Variants in DPH6 observed in about 807,000 individuals in gnomAD.
DPH6 encodes the protein diphthine--ammonia ligase.
DPH6 carries 33 observed loss-of-function variants against 38.2 expected under a neutral mutation model. That is an observed-to-expected ratio of 0.86 (90% CI 0.65 to 1.15). The LOEUF is 1.15. DPH6 is among the 50% of genes most tolerant of loss of function. The pLI is 0.00. For synonymous variants in DPH6, 108 were observed against 103.0 expected, an observed-to-expected ratio of 1.05 and a Z score of -0.30; for missense variants, 325 against 320.0, an observed-to-expected ratio of 1.02 and a Z score of -0.12.
At chr15:35,285,872 G>GTTTTTTTGTTTTTTTTTTTTTTTTTT (rs1555391171) in intron 3 of DPH6, among the ~76,000 whole-genome samples, 1 of 52,794 alleles carries the variant, frequency 1.9e-5, no homozygotes, top group Non-Finnish European at 3.3e-5. Context: ...TTATCTTTGA[G>GTTTTTTTGTTTTTTTTTTTTTTTTTT]TTTTTTTTTT....
Position 35,268,980 on chromosome 15 carries a change from A to G in DPH6, n.201-48398T>C, listed in dbSNP as rs36122485. Among the ~76,000 whole-genome samples the G allele has an allele frequency of 1.7e-3, 262 of 152,274 alleles. 1 individual carries two copies. The highest frequency in any genetic ancestry group is 5.0e-3 in the East Asian group (26 of 5,182). ...GATGAATGTTTCCAACATGAAAATC[A>G]CCTTTTTAATTATGTAAGTCTCTGA... On this transcript the variant is annotated intron_variant and non_coding_transcript_variant, in intron 3 of 3. Coordinates refer to the DPH6 transcript ENST00000560386.
chr15:35,497,468 TACA>T (rs776399075), intron 3 of DPH6, among the ~76,000 whole-genome samples: 6 of 152,198 alleles, frequency 3.9e-5, no homozygotes, highest in Admixed American at 6.5e-5. Flanking sequence ...TCCTTTTTCA[TACA>T]ACAAGTTTCC....
intron 3 of DPH6, among the ~76,000 whole-genome samples, chr15:35,531,861 C>T (rs1430992077): frequency 6.6e-6 from 1 of 152,052 alleles, no homozygotes; most frequent in African/African-American, 2.4e-5. Flanking sequence ...AGGAACTCTG[C>T]TAGGACAGAT....
chr15:35,526,136 A>C (rs1400452615), intron 3 of DPH6, among the ~76,000 whole-genome samples: 1 of 152,212 alleles, frequency 6.6e-6, no homozygotes, highest in Non-Finnish European at 1.5e-5. Context: ...CTCAAAGGGA[A>C]GATCATGGGT....
chr15:35,180,117 G>A, the DPH6 span, among the ~76,000 whole-genome samples: 5,958 of 152,090 alleles, frequency 0.039, 126 homozygotes, highest in Middle Eastern at 0.051. Flanking sequence ...AATAGAGAGA[G>A]AAGGTGACTG....
At chr15:35,402,204 A>G (rs1333313687) in intron 6 of DPH6, among the ~76,000 whole-genome samples, 2 of 152,178 alleles carry the variant, frequency 1.3e-5, no homozygotes, top group Non-Finnish European at 2.9e-5. Flanking sequence ...GCCAGGTTCT[A>G]TTTGGAATTT....
intron 3 of DPH6, among the ~76,000 whole-genome samples, chr15:35,496,372 T>A (rs1046927777): frequency 1.3e-5 from 2 of 150,924 alleles, no homozygotes; most frequent in African/African-American, 4.9e-5. Flanking sequence ...TTGACCAACA[T>A]GGTGGAACCT....
At chr15:35,352,908 G>A (rs1264721386) in intron 3 of DPH6, among the ~76,000 whole-genome samples, 1 of 152,188 alleles carries the variant, frequency 6.6e-6, no homozygotes, top group Non-Finnish European at 1.5e-5. Flanking sequence ...CAGTGTAAAA[G>A]TGTTCCTATT....
intron 3 of DPH6, among the ~76,000 whole-genome samples, chr15:35,341,620 A>G (rs1489564710): frequency 1.3e-5 from 2 of 152,128 alleles, no homozygotes; most frequent in African/African-American, 4.8e-5. Context: ...ACTCTTCCAC[A>G]GAGCTGCTGT....
Position 35,448,984 on chromosome 15 carries a change from AT to A in DPH6, c.505+1700del, listed in dbSNP as rs372406775. Among the ~76,000 whole-genome samples, 465 of 136,572 alleles carry A rather than the reference AT, an allele frequency of 3.4e-3. 2 individuals are homozygous for A. The highest frequency in any genetic ancestry group is 0.011 in the African/African-American group (421 of 37,550). The allele number at this position is 136,572 out of a possible 152,430, so 89.6% of individuals were successfully genotyped here. On this transcript the variant is annotated intron_variant, in intron 5 of 8. Coordinates refer to ENST00000256538, the MANE Select transcript of DPH6 (RefSeq NM_080650.4). ...CCCCACAGAAAGGTCTTATTGTCTCATTTTTTTTTTTTTTGCTTAAATCCAA... is the reference window on the plus strand; with the variant it reads ...CCCCACAGAAAGGTCTTATTGTCTCATTTTTTTTTTTTTGCTTAAATCCAA...
At chr15:35,271,841 G>A (rs1195125688) in intron 3 of DPH6, among the ~76,000 whole-genome samples, 1 of 152,202 alleles carries the variant, frequency 6.6e-6, no homozygotes, top group Non-Finnish European at 1.5e-5. Flanking sequence ...AGTCCTGTTG[G>A]CTTCAGCAGG....
At chr15:35,282,665 A>T (rs921867897) in intron 3 of DPH6, 1 of 423,884 alleles carries the variant, frequency 2.4e-6, no homozygotes, top group African/African-American at 2.0e-5. Context: ...GTTATTTCAT[A>T]ATGATAAAAC....
the DPH6 span, among the ~76,000 whole-genome samples, chr15:35,185,724 C>CTTTTTTTTTTTTTTTTTTT: frequency 3.6e-5 from 3 of 83,016 alleles, no homozygotes; most frequent in Non-Finnish European, 2.5e-5. Context: ...CCAATCCACT[C>CTTTTTTTTTTTTTTTTTTT]TTTTTTTTTT....
intron 3 of DPH6, among the ~76,000 whole-genome samples, chr15:35,467,481 G>A (rs751121160): frequency 4.6e-5 from 7 of 152,154 alleles, no homozygotes; most frequent in South Asian, 2.1e-4. Context: ...CAGGAGAATC[G>A]CCTGAACCTG....
intron 3 of DPH6, among the ~76,000 whole-genome samples, chr15:35,299,670 T>C (rs1267054556): frequency 6.6e-6 from 1 of 152,166 alleles, no homozygotes; most frequent in Non-Finnish European, 1.5e-5. Flanking sequence ...CCTTCCTGCC[T>C]CTCCCCAGCT....
intron 3 of DPH6, among the ~76,000 whole-genome samples, chr15:35,511,648 C>T (rs62003632): frequency 1.3e-5 from 2 of 151,816 alleles, no homozygotes; most frequent in East Asian, 3.9e-4. Flanking sequence ...ATGCTCAAGT[C>T]GGTGTAATAG....
intron 3 of DPH6, among the ~76,000 whole-genome samples, chr15:35,525,691 T>C (rs1318915994): frequency 1.3e-5 from 2 of 152,030 alleles, no homozygotes; most frequent in African/African-American, 4.8e-5. Context: ...AATACAAAAA[T>C]TAGCCGGCCA....
chr15:35,357,367 C>T (rs1019588425), intron 3 of DPH6, among the ~76,000 whole-genome samples: 3 of 152,214 alleles, frequency 2.0e-5, no homozygotes, highest in Non-Finnish European at 4.4e-5. Context: ...CCATCTTCTG[C>T]GTTGCTCACA....
intron 6 of DPH6, among the ~76,000 whole-genome samples, chr15:35,397,200 G>A (rs1365553132): frequency 6.6e-6 from 1 of 152,214 alleles, no homozygotes; most frequent in Non-Finnish European, 1.5e-5. Flanking sequence ...ACCCAGCAGA[G>A]TGGTATGCTT....
Sources: allele counts gnomAD v4.1 joint callset (sites outside exome capture counted in the v4.1 genomes callset), GRCh38; gene constraint gnomAD v4.1.1; transcripts MANE v1.5; gene names NCBI Gene and HGNC (gene_info 2026-07-23, HGNC 2026-07-21).